Variants in SLC35F2 observed in about 807,000 individuals in gnomAD.
The protein encoded by SLC35F2 is queuine/queuosine transporter SLC35F2.
SLC35F2 carries 25 observed loss-of-function variants against 38.1 expected under a neutral mutation model. The ratio of observed to expected loss-of-function variants is 0.66; its 90% confidence interval spans 0.48 to 0.92. The LOEUF (loss-of-function observed/expected upper bound fraction) is 0.92. Ranked by LOEUF, SLC35F2 falls within the 40% of genes least tolerant of loss-of-function variation. The probability of loss-of-function intolerance (pLI) is 0.00; values close to 1 mark genes in which losing one functional copy is unlikely to be tolerated. For missense variants in SLC35F2, 409 were observed against 452.9 expected (o/e 0.90, Z 0.88); for synonymous variants, 173 against 181.7 (o/e 0.95, Z 0.38).
At chr11:107,810,280 T>C (rs1042782517) in intron 3 of SLC35F2, 13 of 985,294 alleles carry the variant, frequency 1.3e-5, no homozygotes, top group African/African-American at 7.0e-5. Context: ...GTGAAAGAAA[T>C]TGTTTTCAAT....
intron 1 of SLC35F2, among the ~76,000 whole-genome samples, chr11:107,821,905 AC>A (rs1415628018): frequency 3.9e-5 from 6 of 152,204 alleles, no homozygotes; most frequent in African/African-American, 1.4e-4. Flanking sequence ...GTCACTTCCA[AC>A]CACATTACTA....
intron 3 of SLC35F2, chr11:107,810,315 G>C: frequency 1.0e-6 from 1 of 985,320 alleles, no homozygotes; most frequent in African/African-American, 1.7e-5. Context: ...AAGAAGGCAT[G>C]AACTTCAGTC....
chr11:107,858,190 C>A (rs532479624), intron 1 of SLC35F2, among the ~76,000 whole-genome samples: 2 of 152,228 alleles, frequency 1.3e-5, no homozygotes, highest in Admixed American at 1.3e-4. Context: ...AAAACTTAAC[C>A]AGGATTTCTC....
chr11:107,792,845 A>ATCTT, intron 7 of SLC35F2, 45 bp from the exon 8 acceptor site: 1 of 1,473,130 alleles, frequency 6.8e-7, no homozygotes, highest in Non-Finnish European at 9.0e-7. Context: ...TCACATACAC[A>ATCTT]TCTTTGCTGC....
In SLC35F2 at chr11:107,820,241, TGA is replaced by T. The variant is rs376529732; in HGVS notation, c.111-4278_111-4277del. Among the ~76,000 whole-genome samples the T allele has an allele frequency of 3.9e-3, 468 of 121,002 alleles. 5 individuals are homozygous for T. The highest frequency in any genetic ancestry group is 0.015 in the African/African-American group (413 of 27,868). The allele number at this position is 121,002 out of a possible 152,430, so 79.4% of individuals were successfully genotyped here. On this transcript the variant is annotated intron_variant, in intron 1 of 7. Coordinates refer to ENST00000525815, the MANE Select transcript of SLC35F2 (RefSeq NM_017515.5). Reference sequence around the variant, plus strand: ...CTGCACTCCAGCCTGGGCAAAAGAGTGAGAGTTTGCCCAAAAAATAAAAAAAA... The same window carrying T: ...CTGCACTCCAGCCTGGGCAAAAGAGTGAGTTTGCCCAAAAAATAAAAAAAA...
At chr11:107,799,091 C>T (rs7122568) in intron 7 of SLC35F2, among the ~76,000 whole-genome samples, 22,864 of 151,984 alleles carry the variant, frequency 0.15, 2,778 homozygotes, top group East Asian at 0.43. Flanking sequence ...AAACAAACTA[C>T]TTCTAAAGTG....
chr11:107,829,429 A>G (rs568533766), intron 1 of SLC35F2, among the ~76,000 whole-genome samples: 1 of 151,884 alleles, frequency 6.6e-6, no homozygotes, highest in Non-Finnish European at 1.5e-5. Flanking sequence ...AAAAAAAAAA[A>G]AAACTTGTTT....
intron 3 of SLC35F2, 78 bp from the exon 4 acceptor site, chr11:107,806,954 T>A: frequency 5.3e-6 from 7 of 1,325,248 alleles, no homozygotes; most frequent in Non-Finnish European, 7.4e-6. Flanking sequence ...ATAATAGGAG[T>A]CAGTATTTAT....
chr11:107,813,152 A>G (rs889704118), intron 2 of SLC35F2, among the ~76,000 whole-genome samples: 2 of 152,136 alleles, frequency 1.3e-5, no homozygotes, highest in Non-Finnish European at 2.9e-5. Flanking sequence ...CATCTTGAAA[A>G]CACAGAATTA....
intron 1 of SLC35F2, among the ~76,000 whole-genome samples, chr11:107,843,858 AAAAAAAAAAAATATATATATATAT>A (rs1860053384): frequency 2.5e-5 from 1 of 39,322 alleles, no homozygotes; most frequent in East Asian, 1.0e-3. Flanking sequence ...AAAAAAAAAA[AAAAAAAAAAAATATATATATATAT>A]ATATATATAT....
At chr11:107,822,813 AT>A (rs1320570762) in intron 1 of SLC35F2, among the ~76,000 whole-genome samples, 1 of 152,120 alleles carries the variant, frequency 6.6e-6, no homozygotes, top group Non-Finnish European at 1.5e-5. Context: ...AAAGCTCAAG[AT>A]GTCCTGGAGA....
At chr11:107,845,905 A>G (rs1043373130) in intron 1 of SLC35F2, among the ~76,000 whole-genome samples, 2 of 150,064 alleles carry the variant, frequency 1.3e-5, no homozygotes, top group African/African-American at 4.9e-5. Context: ...GTGTGCCAAG[A>G]TCGCGCCGTT....
chr11:107,831,126 C>T (rs1404453515), intron 1 of SLC35F2, among the ~76,000 whole-genome samples: 3 of 152,012 alleles, frequency 2.0e-5, no homozygotes, highest in Non-Finnish European at 4.4e-5. Context: ...AAAATGCCAC[C>T]GGAGAAAGCT....
intron 3 of SLC35F2, chr11:107,810,964 A>C: frequency 1.0e-6 from 1 of 980,810 alleles, no homozygotes; most frequent in Non-Finnish European, 1.2e-6. Context: ...TTATTTAAAA[A>C]AATGAAAAAA....
rs1424302271 is a variant in SLC35F2, at chr11:107,831,064, G to GA, written c.111-15100_111-15099insT. Among the ~76,000 whole-genome samples the GA allele has an allele frequency of 2.0e-5, 3 of 152,112 alleles. No homozygotes were observed. In the East Asian group the frequency reaches 5.8e-4, roughly 29 times the overall value. Reference sequence around the variant, plus strand: ...CAGAAACAGTGTCATATTCCTCTTTGTTTATCCAGGATATGAATCAATACG... The same window carrying GA: ...CAGAAACAGTGTCATATTCCTCTTTGATTTATCCAGGATATGAATCAATACG... On this transcript the variant is annotated intron_variant, in intron 1 of 7. Transcript: ENST00000525815.
intron 1 of SLC35F2, chr11:107,824,087 G>A: frequency 3.8e-6 from 3 of 792,652 alleles, no homozygotes; most frequent in Non-Finnish European, 4.6e-6. Flanking sequence ...GTAAGCATGA[G>A]TAGCTTGCAA....
At chr11:107,796,153 C>G (rs996289514) in intron 7 of SLC35F2, among the ~76,000 whole-genome samples, 1 of 151,998 alleles carries the variant, frequency 6.6e-6, no homozygotes, top group African/African-American at 2.4e-5. Flanking sequence ...GAAAAGGGAA[C>G]TCTTAAATAC....
intron 1 of SLC35F2, among the ~76,000 whole-genome samples, chr11:107,842,017 G>A (rs1013945840): frequency 6.6e-6 from 1 of 151,136 alleles, no homozygotes; most frequent in African/African-American, 2.4e-5. Flanking sequence ...AGTGAGCTGA[G>A]ATCGTGCCAC....
At chr11:107,845,325 C>G (rs1860089006) in intron 1 of SLC35F2, among the ~76,000 whole-genome samples, 1 of 152,142 alleles carries the variant, frequency 6.6e-6, no homozygotes, top group Non-Finnish European at 1.5e-5. Context: ...CACTTGTAAT[C>G]CCAGCACTTT....
Sources: gnomAD v4.1 joint callset for allele counts (sites outside exome capture counted in the v4.1 genomes callset) on GRCh38, gnomAD v4.1.1 for gene constraint, MANE v1.5 for transcripts, NCBI Gene and HGNC (gene_info 2026-07-23, HGNC 2026-07-21) for gene names.